Variants in PCDH15 observed in about 807,000 individuals in gnomAD.
PCDH15 encodes protocadherin-15.
A neutral mutation model predicts 178.5 loss-of-function variants in PCDH15; 129 were observed. The observed-to-expected ratio is 0.72, with a 90% confidence interval of 0.63 to 0.84. The LOEUF is 0.84. Ranked by LOEUF, PCDH15 falls within the 40% of genes least tolerant of loss-of-function variation. The pLI is 0.00. For missense variants in PCDH15, 2,230 were observed against 2,099.9 expected, an observed-to-expected ratio of 1.06 and a Z score of -1.21; for synonymous variants, 800 against 732.0, an observed-to-expected ratio of 1.09 and a Z score of -1.50.
At chr10:54,492,606 G>A (rs1327553774) in intron 3 of PCDH15, among the ~76,000 whole-genome samples, 4 of 152,024 alleles carry the variant, frequency 2.6e-5, no homozygotes, top group African/African-American at 7.2e-5. Flanking sequence ...GTTTCAAATT[G>A]TGTGCCATTC....
rs113689262 is a variant in PCDH15, at chr10:54,079,556, T to C, written c.1998-132A>G. 1,992 of 824,814 alleles carry C rather than the reference T, an allele frequency of 2.4e-3. 34 individuals carry two copies. In the African/African-American group the frequency reaches 0.028, roughly 12 times the overall value. The allele number at this position is 824,814 out of a possible 1,614,324, so 51.1% of individuals were successfully genotyped here. A position where few individuals can be genotyped will look rare whatever the true frequency, so the allele number is the denominator to read the frequency against. On this transcript the variant is annotated intron_variant, in intron 16 of 37. Coordinates refer to ENST00000644397, the MANE Select transcript of PCDH15 (RefSeq NM_001384140.1). The stretch of plus-strand genomic sequence containing the variant: ...GTAATCACAGCTTGAGTATTTTAGA[T>C]GTATAATACTAAGATTCATTCTGAA...
intron 5 of PCDH15, among the ~76,000 whole-genome samples, chr10:54,354,154 T>G (rs887783555): frequency 6.6e-6 from 1 of 152,076 alleles, no homozygotes; most frequent in Admixed American, 6.5e-5. Flanking sequence ...CCTGGCTAAT[T>G]TTGTGTTTTT....
intron 2 of PCDH15, among the ~76,000 whole-genome samples, chr10:55,076,931 G>C (rs1327986651): frequency 1.3e-5 from 2 of 151,464 alleles, no homozygotes; most frequent in South Asian, 4.2e-4. Flanking sequence ...ACCACGACTG[G>C]CTAATTTTGG....
chr10:54,672,578 G>T (rs961041020), intron 1 of PCDH15, among the ~76,000 whole-genome samples: 2 of 152,024 alleles, frequency 1.3e-5, no homozygotes, highest in African/African-American at 4.8e-5. Context: ...TGACTTCTTG[G>T]ACCAGAGGAT....
intron 2 of PCDH15, among the ~76,000 whole-genome samples, chr10:55,091,955 T>C (rs1200606359): frequency 6.6e-6 from 1 of 151,846 alleles, no homozygotes; most frequent in Non-Finnish European, 1.5e-5. Context: ...AAAACCAAGA[T>C]TTTGGTTTGC....
intron 2 of PCDH15, among the ~76,000 whole-genome samples, chr10:54,660,319 A>G (rs183079197): frequency 6.6e-6 from 1 of 152,126 alleles, no homozygotes; most frequent in Admixed American, 6.6e-5. Flanking sequence ...GAGAGTAATC[A>G]TGGTAGACTA....
At chr10:55,127,434 C>T (rs1837929471) in intron 2 of PCDH15, among the ~76,000 whole-genome samples, 1 of 152,024 alleles carries the variant, frequency 6.6e-6, no homozygotes, top group Admixed American at 6.6e-5. Flanking sequence ...CTCTTAAAGA[C>T]TTTGGACTAT....
At chr10:53,992,055 G>A (rs530309491) in intron 21 of PCDH15, among the ~76,000 whole-genome samples, 2 of 151,950 alleles carry the variant, frequency 1.3e-5, no homozygotes, top group East Asian at 1.9e-4. Flanking sequence ...TTTATGAGCT[G>A]TAACACTTGC....
chr10:55,159,369 CTATA>C (rs1174815209), intron 2 of PCDH15, among the ~76,000 whole-genome samples: 1,295 of 20,880 alleles, frequency 0.062, 27 homozygotes, highest in African/African-American at 0.1. Context: ...ATCTATCTAT[CTATA>C]TATATATATA....
chr10:55,459,785 C>G (rs1388171923), intron 2 of PCDH15, among the ~76,000 whole-genome samples: 1 of 151,984 alleles, frequency 6.6e-6, no homozygotes, highest in African/African-American at 2.4e-5. Flanking sequence ...TTTAAGAAAT[C>G]TGGAAGACCT....
upstream of PCDH15, among the ~76,000 whole-genome samples, chr10:55,320,066 G>A (rs554242221): frequency 6.6e-5 from 10 of 152,222 alleles, no homozygotes; most frequent in South Asian, 1.9e-3. Flanking sequence ...AGCCTCCTCT[G>A]TGCCCTCCTC....
intron 2 of PCDH15, among the ~76,000 whole-genome samples, chr10:55,480,919 T>C (rs906032239): frequency 1.3e-5 from 2 of 151,784 alleles, no homozygotes; most frequent in African/African-American, 4.8e-5. Context: ...TGGTACAGGA[T>C]CTTCTTAGTA....
chr10:55,020,821 C>A (rs992647044), intron 2 of PCDH15, among the ~76,000 whole-genome samples: 1 of 152,088 alleles, frequency 6.6e-6, no homozygotes, highest in Admixed American at 6.5e-5. Flanking sequence ...TAAATTGATG[C>A]CTTATCTTCA....
intron 2 of PCDH15, among the ~76,000 whole-genome samples, chr10:55,021,981 AG>A (rs1489072973): frequency 3.3e-5 from 5 of 152,192 alleles, no homozygotes; most frequent in Non-Finnish European, 7.3e-5. Context: ...AATCTAAAAA[AG>A]TTGGTCTCAT....
intron 17 of PCDH15, 104 bp from the exon 18 acceptor site, chr10:54,066,989 T>A: frequency 8.7e-7 from 1 of 1,152,104 alleles, no homozygotes; most frequent in Non-Finnish European, 1.3e-6. Flanking sequence ...CATCTCATTT[T>A]TCTTTCTAAT....
intron 1 of PCDH15, among the ~76,000 whole-genome samples, chr10:54,693,344 G>A (rs971842299): frequency 1.3e-5 from 2 of 151,820 alleles, no homozygotes; most frequent in Admixed American, 6.6e-5. Context: ...AATTCTAAAG[G>A]ATTCTTAAAC....
chr10:54,762,385 A>G (rs769894142), intron 1 of PCDH15, among the ~76,000 whole-genome samples: 47 of 152,162 alleles, frequency 3.1e-4, no homozygotes, highest in Non-Finnish European at 4.7e-4. Flanking sequence ...TTGAAGAAAA[A>G]GTAGATTGCA....
intron 2 of PCDH15, among the ~76,000 whole-genome samples, chr10:55,582,626 A>ATT (rs1413632977): frequency 2.1e-3 from 130 of 61,216 alleles, no homozygotes; most frequent in East Asian, 4.3e-3. Context: ...ATATATATAT[A>ATT]TATTTTTTTT....
At chr10:54,028,793 TG>T (rs200193520) in intron 18 of PCDH15, among the ~76,000 whole-genome samples, 103,809 of 134,308 alleles carry the variant, frequency 0.77, 38,967 homozygotes, top group Middle Eastern at 0.82. Flanking sequence ...TGTTGTGGGG[TG>T]GGGGGAGGGG....
Sources: gnomAD v4.1 joint callset for allele counts (sites outside exome capture counted in the v4.1 genomes callset) on GRCh38, gnomAD v4.1.1 for gene constraint, MANE v1.5 for transcripts, NCBI Gene and HGNC (gene_info 2026-07-23, HGNC 2026-07-21) for gene names.